Variants in KCNMA1 observed in about 807,000 individuals in gnomAD.
The protein encoded by KCNMA1 is Calcium-activated potassium channel subunit alpha-1.
Under a neutral mutation model 140.0 loss-of-function variants are expected in KCNMA1, and 29 were observed. That is an observed-to-expected ratio of 0.21 (90% confidence interval 0.15 to 0.28). The LOEUF (loss-of-function observed/expected upper bound fraction) is 0.28, where lower values mean the gene tolerates loss of function less well. KCNMA1 is among the 10% of genes least tolerant of loss of function. The probability of loss-of-function intolerance (pLI) is 1.00; values close to 1 mark genes in which losing one functional copy is unlikely to be tolerated. For missense variants in KCNMA1, 880 were observed against 1,602.2 expected, an observed-to-expected ratio of 0.55 and a Z score of 7.70; for synonymous variants, 612 against 611.9, an observed-to-expected ratio of 1.00 and a Z score of 0.00.
chr10:77,123,126 G>A (rs796318592), intron 5 of KCNMA1, among the ~76,000 whole-genome samples: 8 of 129,776 alleles, frequency 6.2e-5, no homozygotes, highest in South Asian at 2.6e-4. Flanking sequence ...CTTGCAGTAA[G>A]CCGAGATCGC....
chr10:77,479,472 CA>C (rs1340619533), intron 1 of KCNMA1, among the ~76,000 whole-genome samples: 1 of 152,192 alleles, frequency 6.6e-6, no homozygotes, highest in African/African-American at 2.4e-5. Flanking sequence ...CAGCCTTTAC[CA>C]GCAGAGCCTC....
intron 3 of KCNMA1, among the ~76,000 whole-genome samples, chr10:77,229,863 C>T (rs546767517): frequency 6.6e-6 from 1 of 152,134 alleles, no homozygotes; most frequent in Non-Finnish European, 1.5e-5. Flanking sequence ...TAAAATGGTA[C>T]AGCCATTGTG....
intron 1 of KCNMA1, chr10:77,635,460 C>T (rs1443823591): frequency 6.6e-6 from 1 of 152,184 alleles, no homozygotes; most frequent in East Asian, 1.9e-4. Context: ...AGGCACACAA[C>T]TATGAGCTAT....
intron 2 of KCNMA1, among the ~76,000 whole-genome samples, chr10:77,396,202 T>C (rs1166073131): frequency 6.6e-6 from 1 of 152,222 alleles, no homozygotes; most frequent in East Asian, 1.9e-4. Flanking sequence ...TTACTAAAAG[T>C]ACAGTCCTGT....
Position 76,887,225 on chromosome 10 carries a change from G to A in KCNMA1, c.*41C>T. 1 of 1,613,958 alleles carries A rather than the reference G, an allele frequency of 6.2e-7. No individual in the cohort carries two copies. The highest frequency in any genetic ancestry group is 8.5e-7 in the Non-Finnish European group (1 of 1,180,014). On this transcript the variant is annotated 3_prime_UTR_variant, in exon 28 of 28. Coordinates refer to ENST00000286628, the MANE Select transcript of KCNMA1 (RefSeq NM_001161352.2). The stretch of plus-strand genomic sequence containing the variant: ...TTGGAAACACCAACTGGGGAAATGA[G>A]TGGCAGATACAGTTTCACACAGTGG...
intron 16 of KCNMA1, among the ~76,000 whole-genome samples, chr10:77,022,058 C>T (rs947882638): frequency 3.3e-5 from 5 of 152,184 alleles, no homozygotes; most frequent in Non-Finnish European, 1.5e-5. Context: ...TGATAACCTT[C>T]TCCCCCTTTT....
intron 1 of KCNMA1, among the ~76,000 whole-genome samples, chr10:77,580,123 T>G (rs766440777): frequency 2.0e-5 from 3 of 152,178 alleles, no homozygotes; most frequent in Non-Finnish European, 2.9e-5. Flanking sequence ...GGCTCATGCC[T>G]GTAATCCCAG....
chr10:77,284,389 A>G (rs1011543978), intron 2 of KCNMA1, among the ~76,000 whole-genome samples: 5 of 152,178 alleles, frequency 3.3e-5, no homozygotes, highest in African/African-American at 1.2e-4. Context: ...AAAAAATTTA[A>G]TGGGCTAGGT....
At chr10:77,125,257 C>T (rs918724698) in intron 5 of KCNMA1, among the ~76,000 whole-genome samples, 4 of 152,114 alleles carry the variant, frequency 2.6e-5, no homozygotes, top group Non-Finnish European at 4.4e-5. Flanking sequence ...ACCCATTCCA[C>T]ACAGAGTAAA....
At chr10:76,877,821 G>A (rs556103359) in exon 30 of KCNMA1, 2 of 1,602,316 alleles carry the variant, frequency 1.2e-6, no homozygotes, top group Non-Finnish European at 8.5e-7. Context: ...AGCCATGTGG[G>A]TACTCATGGG....
At chr10:77,288,726 A>G (rs1045580331) in intron 2 of KCNMA1, among the ~76,000 whole-genome samples, 3 of 152,200 alleles carry the variant, frequency 2.0e-5, no homozygotes, top group African/African-American at 7.2e-5. Context: ...GTGCCTCTCA[A>G]TAATGGTTAA....
At chr10:76,882,455 C>A (rs1044171259), downstream of KCNMA1, among the ~76,000 whole-genome samples, 2 of 152,286 alleles carry the variant, frequency 1.3e-5, no homozygotes, top group Admixed American at 1.3e-4. Flanking sequence ...GCCTGGCACA[C>A]TTCCTCTGCC....
At chr10:77,472,961 T>C (rs2098197709) in intron 1 of KCNMA1, among the ~76,000 whole-genome samples, 1 of 152,162 alleles carries the variant, frequency 6.6e-6, no homozygotes, top group African/African-American at 2.4e-5. Context: ...CAGGGTGAGT[T>C]TGGCAAACCA....
chr10:77,340,532 T>C (rs558007641), intron 2 of KCNMA1, among the ~76,000 whole-genome samples: 3 of 151,860 alleles, frequency 2.0e-5, no homozygotes, highest in Non-Finnish European at 4.4e-5. Flanking sequence ...TATGCAGCCA[T>C]AAAAAAAGGA....
intron 13 of KCNMA1, 29 bp from the exon 14 acceptor site, chr10:77,073,281 T>C (rs2096273567): frequency 6.2e-7 from 1 of 1,611,988 alleles, no homozygotes; most frequent in Non-Finnish European, 8.5e-7. Flanking sequence ...GTATGAGACC[T>C]TGCTCTGTTA....
chr10:77,613,893 C>T (rs1216177445), intron 1 of KCNMA1, among the ~76,000 whole-genome samples: 5 of 152,224 alleles, frequency 3.3e-5, no homozygotes, highest in African/African-American at 1.2e-4. Flanking sequence ...CTGGTGGGAA[C>T]TGCTCCTCAA....
intron 2 of KCNMA1, among the ~76,000 whole-genome samples, chr10:77,326,346 C>A (rs575008810): frequency 2.0e-5 from 3 of 152,164 alleles, no homozygotes; most frequent in Non-Finnish European, 4.4e-5. Flanking sequence ...AACTTCATAA[C>A]GGTAGGCTTT....
intron 2 of KCNMA1, among the ~76,000 whole-genome samples, chr10:77,356,818 G>A (rs1156597597): frequency 6.6e-6 from 1 of 152,114 alleles, no homozygotes; most frequent in African/African-American, 2.4e-5. Flanking sequence ...ATCCACCCAG[G>A]TTTGCTCAGT....
At chr10:76,934,686 A>G (rs1865017) in intron 23 of KCNMA1, among the ~76,000 whole-genome samples, 113,187 of 152,196 alleles carry the variant, frequency 0.74, 43,297 homozygotes, top group African/African-American at 0.88. Flanking sequence ...ATGCAGGATA[A>G]GGTAGTTGAC....
Sources: allele counts gnomAD v4.1 joint callset (sites outside exome capture counted in the v4.1 genomes callset), GRCh38; gene constraint gnomAD v4.1.1; transcripts MANE v1.5; gene names NCBI Gene and HGNC (gene_info 2026-07-23, HGNC 2026-07-21).